The following SLC6A6 variants were observed in gnomAD, a reference collection of about 807,000 sequenced individuals.
SLC6A6 encodes solute carrier family 6 member 6, also known as sodium- and chloride-dependent taurine transporter.
SLC6A6 carries 16 observed loss-of-function variants against 68.8 expected under a neutral mutation model. The ratio of observed to expected loss-of-function variants is 0.23; its 90% CI spans 0.16 to 0.35. The LOEUF (loss-of-function observed/expected upper bound fraction) is 0.35, where lower values mean the gene tolerates loss of function less well. Among genes scored for constraint, SLC6A6 ranks in the 10% least tolerant of loss-of-function variants. The pLI, the probability that SLC6A6 is intolerant of heterozygous loss-of-function variation, is 1.00. For missense variants in SLC6A6, 474 were observed against 802.8 expected (o/e 0.59, Z 4.95); for synonymous variants, 312 against 315.4 (o/e 0.99, Z 0.12).
Position 14,477,999 on chromosome 3 carries a change from C to G in SLC6A6, c.1348-467C>G, listed in dbSNP as rs1422086198. Among the ~76,000 whole-genome samples, 1 of 152,128 alleles carries G rather than the reference C, an allele frequency of 6.6e-6. No individual in the cohort carries two copies. The highest frequency in any genetic ancestry group is 1.5e-5 in the Non-Finnish European group (1 of 68,004). On this transcript the variant is annotated intron_variant, in intron 11 of 14. Coordinates refer to ENST00000622186, the MANE Select transcript of SLC6A6 (RefSeq NM_003043.6). The surrounding 1 kb of genome is among the most constrained non-coding windows in gnomAD (Gnocchi z 4.2). ...GGGCACGCTCTCTCCTGCATGCCCC[C>G]CCCCACCACCTCCCCTGTTCCCCAG...
chr3:14,418,544 G>A (rs1037362314), intron 2 of SLC6A6, among the ~76,000 whole-genome samples: 1 of 152,184 alleles, frequency 6.6e-6, no homozygotes, highest in Non-Finnish European at 1.5e-5. Context: ...AGCCTCCACA[G>A]GCGTCATCAT....
intron 1 of SLC6A6, among the ~76,000 whole-genome samples, chr3:14,406,482 C>G (rs1489838857): frequency 6.6e-6 from 1 of 152,188 alleles, no homozygotes; most frequent in Non-Finnish European, 1.5e-5. Flanking sequence ...CACCGAGCCA[C>G]TAAGCATTTT....
Position 14,472,710 on chromosome 3 carries a change from C to T in SLC6A6, c.1209+393C>T, listed in dbSNP as rs1281742912. Among the ~76,000 whole-genome samples, 5 of 152,072 alleles carry T rather than the reference C, an allele frequency of 3.3e-5. No individual in the cohort carries two copies. Among genetic ancestry groups the T allele is most frequent in the Admixed American group, 6.5e-5 (1 of 15,278 alleles). ...ATGATGTGCTCCAGTGGAGCGTCGG[C>T]GGGGCACAGGAGGACATGGCAGATG... On this transcript the variant is annotated intron_variant, in intron 10 of 14. Transcript: ENST00000622186. The surrounding 1 kb of genome is among the most constrained non-coding windows in gnomAD (Gnocchi z 4.5).
rs869191764 is a variant in SLC6A6 at position 14,459,883 on chromosome 3, CTTT to C, written c.732+1824_732+1826del. ...CGGTTCTGTAAATGCTAATTCTCTT[CTTT>C]TTTTTTTTTTTTTTTTTTTTTTGTA... On this transcript the variant is annotated intron_variant, in intron 6 of 14. Transcript: ENST00000622186. Among the ~76,000 whole-genome samples, 87 of 40,152 alleles carry C rather than the reference CTTT, an allele frequency of 2.2e-3. No homozygotes were observed. The South Asian group carries it at 0.073, about 34-fold the overall frequency. 26.3% of individuals were successfully genotyped at this position (40,152 alleles called of 152,430 possible).
intron 12 of SLC6A6, chr3:14,478,831 G>T: frequency 1.7e-6 from 1 of 592,922 alleles, no homozygotes; most frequent in Non-Finnish European, 3.0e-6. Context: ...TCTCCTTGAG[G>T]CCTTGGGTTT....
chr3:14,449,652 C>G (rs1352046729), intron 5 of SLC6A6, among the ~76,000 whole-genome samples: 2 of 152,240 alleles, frequency 1.3e-5, no homozygotes, highest in African/African-American at 4.8e-5. Flanking sequence ...TCACCTGCAC[C>G]TGGGGAGATG....
chr3:14,417,458 GCC>G (rs1559285754), intron 2 of SLC6A6, among the ~76,000 whole-genome samples: 7 of 150,636 alleles, frequency 4.6e-5, no homozygotes, highest in Non-Finnish European at 1.0e-4. Context: ...CAGGCCGGGC[GCC>G]GTGGCTCACG....
At chr3:14,445,205 G>T (rs1419440262) in intron 3 of SLC6A6, among the ~76,000 whole-genome samples, 1 of 152,068 alleles carries the variant, frequency 6.6e-6, no homozygotes, top group Non-Finnish European at 1.5e-5. Context: ...GGCGGATCAC[G>T]AGGTCAGGAG....
intron 5 of SLC6A6, among the ~76,000 whole-genome samples, chr3:14,451,697 G>A (rs1700254280): frequency 6.6e-6 from 1 of 152,304 alleles, no homozygotes; most frequent in East Asian, 1.9e-4. Flanking sequence ...GACTGTATAC[G>A]GGGCCTCGGA....
At chr3:14,460,770 G>A (rs925834788) in intron 6 of SLC6A6, among the ~76,000 whole-genome samples, 32 of 152,238 alleles carry the variant, frequency 2.1e-4, no homozygotes, top group Non-Finnish European at 4.7e-4. Context: ...AGGGGTGGGC[G>A]TGATTCCCAG....
intron 9 of SLC6A6, among the ~76,000 whole-genome samples, chr3:14,470,978 G>A (rs1447521955): frequency 1.3e-5 from 2 of 152,168 alleles, no homozygotes; most frequent in African/African-American, 4.8e-5. Context: ...CTGGCACACT[G>A]GGGGTGTTAA....
In SLC6A6 at chr3:14,438,166, A is replaced by C. The variant is rs116113223; in HGVS notation, c.-11-5458A>C. Among the ~76,000 whole-genome samples, 1,371 of 152,038 alleles carry C rather than the reference A, an allele frequency of 9.0e-3. 16 individuals are homozygous for C. The highest frequency in any genetic ancestry group is 0.031 in the African/African-American group (1,294 of 41,484). On this transcript the variant is annotated intron_variant, in intron 2 of 14. Transcript: ENST00000622186. ...GGCCCACTTTTTCTTTTTTTAAAACAAACACAGGGTAGAATGGTTGCCACA... is the reference window on the plus strand; with the variant it reads ...GGCCCACTTTTTCTTTTTTTAAAACCAACACAGGGTAGAATGGTTGCCACA...
chr3:14,417,257 C>T (rs1407597071), intron 2 of SLC6A6, among the ~76,000 whole-genome samples: 3 of 152,220 alleles, frequency 2.0e-5, no homozygotes, highest in Non-Finnish European at 4.4e-5. Context: ...ACAGTGGCCT[C>T]GCATTATGCC....
In SLC6A6 at chr3:14,447,950, T is replaced by C. The variant is rs1444589980; in HGVS notation, c.599+134T>C. Reference sequence around the variant, plus strand: ...TGGGAGGAGGGTGCAGATCTGGAGATAAATTTATGCCTTTGGCCATAGACA... The same window carrying C: ...TGGGAGGAGGGTGCAGATCTGGAGACAAATTTATGCCTTTGGCCATAGACA... On this transcript the variant is annotated intron_variant, in intron 5 of 14. Coordinates refer to ENST00000622186, the MANE Select transcript of SLC6A6 (RefSeq NM_003043.6). 3.4e-6 allele frequency: 5 copies of C among 1,465,264 alleles called. No individual in the cohort carries two copies. In the South Asian group the frequency reaches 4.2e-5, roughly 12 times the overall value. 90.8% of individuals were successfully genotyped at this position (1,465,264 alleles called of 1,614,324 possible). A position where few individuals can be genotyped will look rare whatever the true frequency, so the allele number is the denominator to read the frequency against.
chr3:14,471,039 C>CT (rs1347473775), intron 9 of SLC6A6, among the ~76,000 whole-genome samples: 1 of 150,258 alleles, frequency 6.7e-6, no homozygotes, highest in Admixed American at 6.6e-5. Flanking sequence ...TTGGGTTTTG[C>CT]TTTTTGTTTT....
At position 14,481,645 on chromosome 3, in the gene SLC6A6, T is replaced by C; in HGVS notation, c.1552-26T>C. The C allele has an allele frequency of 2.2e-6, 3 of 1,386,826 alleles. No homozygotes were observed. The highest frequency in any genetic ancestry group is 2.0e-6 in the Non-Finnish European group (2 of 992,398). The allele number at this position is 1,386,826 out of a possible 1,614,324, so 85.9% of individuals were successfully genotyped here. On this transcript the variant is annotated intron_variant, in intron 13 of 14. Coordinates refer to ENST00000622186, the MANE Select transcript of SLC6A6 (RefSeq NM_003043.6). This position sits in a 1 kb window ranked among gnomAD's most constrained non-coding sequence, Gnocchi z 4.7. ...CACCCCCCGATGCCCAGGACCCCTCTCCTGACTGCCCCCATCTCTCCGCAG... is the reference window on the plus strand; with the variant it reads ...CACCCCCCGATGCCCAGGACCCCTCCCCTGACTGCCCCCATCTCTCCGCAG...
intron 10 of SLC6A6, among the ~76,000 whole-genome samples, chr3:14,473,916 C>G (rs1297968789): frequency 5.3e-5 from 8 of 152,238 alleles, no homozygotes; most frequent in African/African-American, 1.9e-4. Context: ...AAACGGCTCC[C>G]TGAGCAGGTG....
intron 2 of SLC6A6, among the ~76,000 whole-genome samples, chr3:14,441,764 C>T (rs1021539832): frequency 2.0e-5 from 3 of 152,260 alleles, no homozygotes; most frequent in African/African-American, 4.8e-5. Context: ...CCAAGTGACT[C>T]GCCTGGTCAC....
chr3:14,420,081 C>T (rs1156315411), intron 2 of SLC6A6, among the ~76,000 whole-genome samples: 3 of 152,220 alleles, frequency 2.0e-5, no homozygotes, highest in African/African-American at 7.2e-5. Context: ...ACATTCGCTT[C>T]CTAGAAGGCT....
Sources: gnomAD v4.1 joint callset for allele counts (sites outside exome capture counted in the v4.1 genomes callset) on GRCh38, gnomAD v4.1.1 for gene constraint, Gnocchi (gnomAD v3.1) non-coding constraint, MANE v1.5 for transcripts, NCBI Gene and HGNC (gene_info 2026-07-23, HGNC 2026-07-21) for gene names.